ZNF354C: variants seen among roughly 807,000 people sequenced by gnomAD.
ZNF354C encodes the protein zinc finger protein 354C.
In ZNF354C, 7 loss-of-function variants were observed where a neutral mutation model predicts 12.4. The observed-to-expected ratio is 0.56, with a 90% CI of 0.32 to 1.06. ZNF354C has a LOEUF of 1.06. Among genes scored for constraint, ZNF354C ranks in the 50% least tolerant of loss-of-function variants. ZNF354C has a pLI of 0.04. For synonymous variants in ZNF354C, 202 were observed against 224.5 expected, an observed-to-expected ratio of 0.90 and a Z score of 0.90; for missense variants, 609 against 658.0, an observed-to-expected ratio of 0.93 and a Z score of 0.81.
chr5:179,071,028 T>C (rs1001643393), intron 2 of ZNF354C, among the ~76,000 whole-genome samples: 14 of 151,988 alleles, frequency 9.2e-5, no homozygotes, highest in Non-Finnish European at 1.3e-4. Context: ...TTTTTTTGTA[T>C]TTTTAGTAGA....
At position 179,070,841 on chromosome 5, in the gene ZNF354C, CTTTTTTTTTTTTT is replaced by C. The variant is rs766817856; in HGVS notation, c.28-5591_28-5579del. Among the ~76,000 whole-genome samples, 593 of 75,508 alleles carry C rather than the reference CTTTTTTTTTTTTT, an allele frequency of 7.9e-3. 10 individuals carry two copies. The highest frequency in any genetic ancestry group is 0.032 in the African/African-American group (568 of 17,612). 49.5% of individuals were successfully genotyped at this position (75,508 alleles called of 152,430 possible). On this transcript the variant is annotated intron_variant, in intron 2 of 4. Transcript: ENST00000315475. Reference sequence around the variant, plus strand: ...CAGATGATTAGCAGCCTTGATCGCTCTTTTTTTTTTTTTTTTTTTTTTTTTGAGACAGAGTCTT... The same window carrying C: ...CAGATGATTAGCAGCCTTGATCGCTCTTTTTTTTTTTTGAGACAGAGTCTT...
At position 179,077,177 on chromosome 5, in the gene ZNF354C, G is replaced by T; in HGVS notation, c.250+11G>T. 3.1e-6 allele frequency: 5 copies of T among 1,611,528 alleles called. No homozygotes were observed. The highest frequency in any genetic ancestry group is 4.2e-6 in the Non-Finnish European group (5 of 1,177,626). ...CAGATACCCGTCTAGGTAAGTGAGA[G>T]GCTGGGAAATGGGCACAAGGGGTTC... On this transcript the variant is annotated intron_variant, in intron 4 of 4. Coordinates refer to ENST00000315475, the MANE Select transcript of ZNF354C (RefSeq NM_014594.3).
At position 179,082,977 on chromosome 5, in the gene ZNF354C, AGCTTCTT is replaced by A; in HGVS notation, c.*2884_*2890del. On this transcript the variant is annotated 3_prime_UTR_variant, in exon 5 of 5. Coordinates refer to ENST00000315475, the MANE Select transcript of ZNF354C (RefSeq NM_014594.3). ...CTCAACTTCTTTCATATGGAAAAAG[AGCTTCTT>A]GCTATCCCCTACTTCATAGTTAATG... 1.3e-6 allele frequency: 1 copy of A among 798,104 alleles called. No homozygotes were observed. The highest frequency in any genetic ancestry group is 2.2e-6 in the Non-Finnish European group (1 of 462,796). 49.4% of individuals were successfully genotyped at this position (798,104 alleles called of 1,614,324 possible).
chr5:179,064,833 G>A (rs1310590884), intron 2 of ZNF354C, among the ~76,000 whole-genome samples: 2 of 152,026 alleles, frequency 1.3e-5, no homozygotes, highest in East Asian at 1.9e-4. Flanking sequence ...CTCATTAAGG[G>A]TACCGAGGGA....
At chr5:179,070,155 G>C (rs1432900329) in intron 2 of ZNF354C, among the ~76,000 whole-genome samples, 1 of 152,176 alleles carries the variant, frequency 6.6e-6, no homozygotes, top group African/African-American at 2.4e-5. Flanking sequence ...GATTTCATAG[G>C]AACATGAACC....
chr5:179,062,057 G>C lies in ZNF354C; in HGVS notation c.-12G>C, dbSNP rs1226897892. 6.2e-7 allele frequency: 1 copy of C among 1,614,212 alleles called. No homozygotes were observed. Among genetic ancestry groups the C allele is most frequent in the East Asian group, 2.2e-5 (1 of 44,870 alleles). ...TCTGCTCTCCCTGGGCAGGAAGACT[G>C]AGGAGGAAGGGATGGCTGTGGATCT... On this transcript the variant is annotated 5_prime_UTR_variant, in exon 2 of 5. Coordinates refer to ENST00000315475, the MANE Select transcript of ZNF354C (RefSeq NM_014594.3).
Position 179,079,864 on chromosome 5 carries a change from A to G in ZNF354C, c.1432A>G (p.Ser478Gly). ...YQCNQCGKAF[S>G]QYSFLTEHER... ...GTGTAATCAGTGTGGAAAGGCCTTC[A>G]GCCAGTATTCATTTTTAACCGAACA... The change falls in exon 5 of 5, where the codon AGC becomes GGC. Residue 478 changes from serine (S) to glycine (G), a missense_variant. Ser to Gly is a moderately conservative substitution (Grantham distance 56). Transcript: ENST00000315475. This position sits in a 1 kb window ranked among gnomAD's most constrained non-coding sequence, Gnocchi z 4.2. The G allele has an allele frequency of 6.2e-7, 1 of 1,614,012 alleles. No individual in the cohort carries two copies. The highest frequency in any genetic ancestry group is 1.1e-5 in the South Asian group (1 of 91,038).
chr5:179,062,488 A>G (rs1220476693), intron 2 of ZNF354C, among the ~76,000 whole-genome samples: 1 of 152,172 alleles, frequency 6.6e-6, no homozygotes, highest in East Asian at 1.9e-4. Context: ...AGCCCTATGT[A>G]CAGGATCCTG....
At position 179,082,737 on chromosome 5, in the gene ZNF354C, C is replaced by T; in HGVS notation, c.*2640C>T. The T allele has an allele frequency of 2.0e-6, 3 of 1,510,716 alleles. No homozygotes were observed. Among genetic ancestry groups the T allele is most frequent in the Non-Finnish European group, 2.8e-6 (3 of 1,088,028 alleles). The allele number at this position is 1,510,716 out of a possible 1,614,324, so 93.6% of individuals were successfully genotyped here. On this transcript the variant is annotated 3_prime_UTR_variant, in exon 5 of 5. Coordinates refer to ENST00000315475, the MANE Select transcript of ZNF354C (RefSeq NM_014594.3). ...ACCAAACCCCATTGAGTTATCTGGT[C>T]CCCTTGGCTGACGAAGAGCCATTAG...
In ZNF354C at chr5:179,083,884, C is replaced by T. The variant is rs985553746; in HGVS notation, c.*3787C>T. ...CTAAACCTCAGAGTTAGGAACCCTT[C>T]ACTCTGGGCAGAGGATTTGTGAGCC... is the stretch of plus-strand genomic sequence containing the variant. On this transcript the variant is annotated 3_prime_UTR_variant, in exon 5 of 5. Transcript: ENST00000315475. Among the ~76,000 whole-genome samples the T allele has an allele frequency of 6.6e-6, 1 of 152,188 alleles. No individual in the cohort carries two copies. Among genetic ancestry groups the T allele is most frequent in the Non-Finnish European group, 1.5e-5 (1 of 68,034 alleles).
chr5:179,077,255 A>G (rs2113123394), intron 4 of ZNF354C, 89 bp downstream of exon 4: 6 of 1,039,704 alleles, frequency 5.8e-6, no homozygotes, highest in East Asian at 2.4e-5. Context: ...TCTTGGAAAT[A>G]CTGAGTCCTC....
chr5:179,068,009 G>A (rs1761981886), intron 2 of ZNF354C, among the ~76,000 whole-genome samples: 1 of 151,996 alleles, frequency 6.6e-6, no homozygotes, highest in African/African-American at 2.4e-5. Context: ...AAAAACAAGA[G>A]AATTATCTGG....
chr5:179,064,575 C>T (rs972694834), intron 2 of ZNF354C, among the ~76,000 whole-genome samples: 16 of 151,768 alleles, frequency 1.1e-4, no homozygotes, highest in African/African-American at 3.6e-4. Context: ...CACCACCACA[C>T]TGGCTAATTT....
chr5:179,081,968 AAAG>A lies in ZNF354C; in HGVS notation c.*1875_*1877del, dbSNP rs1314278841. The A allele has an allele frequency of 1.3e-5, 2 of 152,212 alleles. No homozygotes were observed. Among genetic ancestry groups the A allele is most frequent in the East Asian group, 3.8e-4 (2 of 5,204 alleles). 9.4% of individuals were successfully genotyped at this position (152,212 alleles called of 1,614,324 possible). On this transcript the variant is annotated 3_prime_UTR_variant, in exon 5 of 5. Transcript: ENST00000315475. ...TTACTGGTGATAATACTAAGAAGGA[AAAG>A]AAGTTCATAATGATGAAAGTAGAGA...
In ZNF354C at chr5:179,082,508, T is replaced by C. The variant is rs1762241963; in HGVS notation, c.*2411T>C. 2 of 586,576 alleles carry C rather than the reference T, an allele frequency of 3.4e-6. No homozygotes were observed. The highest frequency in any genetic ancestry group is 6.1e-6 in the Non-Finnish European group (2 of 330,170). 36.3% of individuals were successfully genotyped at this position (586,576 alleles called of 1,614,324 possible). A position where few individuals can be genotyped will look rare whatever the true frequency, so the allele number is the denominator to read the frequency against. Reference sequence around the variant, plus strand: ...TTTTAAAATGGTTTTCTTAAATTTATTTTTTTAAACATAACACGAGGAAGC... The same window carrying C: ...TTTTAAAATGGTTTTCTTAAATTTACTTTTTTAAACATAACACGAGGAAGC... On this transcript the variant is annotated 3_prime_UTR_variant, in exon 5 of 5. Coordinates refer to ENST00000315475, the MANE Select transcript of ZNF354C (RefSeq NM_014594.3).
In ZNF354C at chr5:179,079,989, G is replaced by A. The variant is rs747955479; in HGVS notation, c.1557G>A (p.Thr519=). The A allele has an allele frequency of 5.2e-5, 84 of 1,613,856 alleles. No individual in the cohort carries two copies. Among genetic ancestry groups the A allele is most frequent in the Admixed American group, 1.0e-4 (6 of 59,976 alleles). Residue 519 remains threonine, a synonymous_variant, in exon 5 of 5, where the codon ACG becomes ACA. Coordinates refer to ENST00000315475, the MANE Select transcript of ZNF354C (RefSeq NM_014594.3). The surrounding 1 kb of genome is among the most constrained non-coding windows in gnomAD (Gnocchi z 4.2). ...TTTGTAGACACAAAAAAGTTCACAC[G>A]AAAGAGAAACTCTATAAGTGGAAGG... ...SNLCRHKKVH[T]KEKLYKWKEY... is the part of the protein sequence containing the mutation.
At chr5:179,074,291 CT>C (rs34702354) in intron 2 of ZNF354C, among the ~76,000 whole-genome samples, 197 of 139,338 alleles carry the variant, frequency 1.4e-3, no homozygotes, top group African/African-American at 1.6e-3. Flanking sequence ...AATTTTTGTA[CT>C]TTTTTTTTTT....
chr5:179,083,958 C>CT lies in ZNF354C; in HGVS notation c.*3862dup, dbSNP rs906389383. Among the ~76,000 whole-genome samples the CT allele has an allele frequency of 1.9e-4, 29 of 152,264 alleles. No individual in the cohort carries two copies. Among genetic ancestry groups the CT allele is most frequent in the Non-Finnish European group, 3.8e-4 (26 of 68,012 alleles). ...TTGCTTTTCTTCCCTATCTATCTTC[C>CT]TGCTACTTGGACCTGGAGGTGATGT... On this transcript the variant is annotated 3_prime_UTR_variant, in exon 5 of 5. Transcript: ENST00000315475.
chr5:179,079,766 G>C lies in ZNF354C; in HGVS notation c.1334G>C (p.Cys445Ser). ...GAAAAACTTTATACATGTGAGGAATGTGGGAAAGCCTTTGGTTGCAAATCT... is the reference window on the plus strand; with the variant it reads ...GAAAAACTTTATACATGTGAGGAATCTGGGAAAGCCTTTGGTTGCAAATCT... ...TGEKLYTCEE[C>S]GKAFGCKSNL... Residue 445 changes from cysteine to serine, a missense_variant, in exon 5 of 5, where the codon TGT becomes TCT. Coordinates refer to ENST00000315475, the MANE Select transcript of ZNF354C (RefSeq NM_014594.3). This position sits in a 1 kb window ranked among gnomAD's most constrained non-coding sequence, Gnocchi z 4.2. 1 of 1,614,134 alleles carries C rather than the reference G, an allele frequency of 6.2e-7. No homozygotes were observed. The highest frequency in any genetic ancestry group is 8.5e-7 in the Non-Finnish European group (1 of 1,180,028).
Sources: gnomAD v4.1 joint callset for allele counts (sites outside exome capture counted in the v4.1 genomes callset) on GRCh38, gnomAD v4.1.1 for gene constraint, Gnocchi (gnomAD v3.1) non-coding constraint, MANE v1.5 for transcripts, NCBI Gene and HGNC (gene_info 2026-07-23, HGNC 2026-07-21) for gene names.